Variants in GNG7 observed in about 807,000 individuals in gnomAD.
GNG7 encodes G protein subunit gamma 7.
A neutral mutation model predicts 4.0 loss-of-function variants in GNG7; 1 was observed. The ratio of observed to expected loss-of-function variants is 0.25; its 90% CI spans 0.09 to 1.18. The LOEUF (loss-of-function observed/expected upper bound fraction) is 1.18, where lower values mean the gene tolerates loss of function less well. Ranked by LOEUF, GNG7 falls within the 50% of genes most tolerant of loss-of-function variation. The pLI is 0.50. For missense variants in GNG7, 86 were observed against 91.9 expected, an observed-to-expected ratio of 0.94 and a Z score of 0.26; for synonymous variants, 34 against 36.9, an observed-to-expected ratio of 0.92 and a Z score of 0.29.
At chr19:2,655,891 T>C (rs1425265543) in intron 1 of GNG7, among the ~76,000 whole-genome samples, 12 of 137,780 alleles carry the variant, frequency 8.7e-5, no homozygotes, top group South Asian at 4.7e-4. Context: ...CCAGGCGTGG[T>C]GGTGGGCACC....
In GNG7 at chr19:2,699,535, A is replaced by T. The variant is rs549041519; in HGVS notation, c.-135+3111T>A. Among the ~76,000 whole-genome samples the T allele has an allele frequency of 2.0e-5, 3 of 152,320 alleles. No individual in the cohort carries two copies. The South Asian group carries it at 6.2e-4, about 32-fold the overall frequency. On this transcript the variant is annotated intron_variant, in intron 1 of 4. Coordinates refer to ENST00000382159, the MANE Select transcript of GNG7 (RefSeq NM_052847.3). ...TGACAGCACTAAATGACTTAAAAGC[A>T]ATCCTCAATTCTGAATGACCCCACT...
chr19:2,692,897 G>A (rs185198126), intron 1 of GNG7, among the ~76,000 whole-genome samples: 1 of 151,146 alleles, frequency 6.6e-6, no homozygotes, highest in Non-Finnish European at 1.5e-5. Context: ...GAGGCAGGAG[G>A]ATCACTTGAA....
At chr19:2,536,117 T>C (rs1269709762) in intron 3 of GNG7, among the ~76,000 whole-genome samples, 1 of 151,514 alleles carries the variant, frequency 6.6e-6, no homozygotes, top group Non-Finnish European at 1.5e-5. Flanking sequence ...GAGTGAGACA[T>C]ATCTCAAAAA....
rs949258516 is a variant in GNG7 at position 2,614,942 on chromosome 19, G to A, written c.-78+31282C>T. On this transcript the variant is annotated intron_variant, in intron 2 of 4. Transcript: ENST00000382159. The surrounding 1 kb of genome is among the most constrained non-coding windows in gnomAD (Gnocchi z 6.0). ...AGGCGTTCCTCAGCTTTTAAACAAG[G>A]CACTGAGGCAGGAGGCAGGCAGCTG... Among the ~76,000 whole-genome samples the A allele has an allele frequency of 6.6e-6, 1 of 152,134 alleles. No homozygotes were observed. The highest frequency in any genetic ancestry group is 2.4e-5 in the African/African-American group (1 of 41,432).
At chr19:2,580,286 ATTTTTTTTT>A (rs5826774) in intron 2 of GNG7, among the ~76,000 whole-genome samples, 1,658 of 133,598 alleles carry the variant, frequency 0.012, 39 homozygotes, top group African/African-American at 0.04. Context: ...GTCTGGTTCT[ATTTTTTTTT>A]TTTTTTTTTT....
intron 2 of GNG7, among the ~76,000 whole-genome samples, chr19:2,568,064 GACATACAC>G (rs1979976668): frequency 6.7e-6 from 1 of 150,120 alleles, no homozygotes; most frequent in Non-Finnish European, 1.5e-5. Context: ...CACACATATA[GACATACAC>G]ACATATACAC....
rs954364379 is a variant in GNG7 at position 2,512,338 on chromosome 19, C to T, written c.*2684G>A. 2.2e-5 allele frequency: 22 copies of T among 985,464 alleles called. No individual in the cohort carries two copies. Among genetic ancestry groups the T allele is most frequent in the Non-Finnish European group, 2.5e-5 (21 of 829,896 alleles). The allele number at this position is 985,464 out of a possible 1,614,324, so 61.0% of individuals were successfully genotyped here. On this transcript the variant is annotated 3_prime_UTR_variant, in exon 5 of 5. Coordinates refer to ENST00000382159, the MANE Select transcript of GNG7 (RefSeq NM_052847.3). The surrounding 1 kb of genome is among the most constrained non-coding windows in gnomAD (Gnocchi z 4.7). ...AAAGGTATTTTCCACAGTGTGGTCA[C>T]TGAAGTCTACTCAAGAAAAAAAAAA...
At chr19:2,662,740 T>C (rs1385131051) in intron 1 of GNG7, among the ~76,000 whole-genome samples, 1 of 152,148 alleles carries the variant, frequency 6.6e-6, no homozygotes, top group Non-Finnish European at 1.5e-5. Context: ...CTTTACTTCA[T>C]AGGCATGACT....
chr19:2,657,397 T>TATATATAC (rs1983023999), intron 1 of GNG7, among the ~76,000 whole-genome samples: 1 of 82,716 alleles, frequency 1.2e-5, no homozygotes, highest in Non-Finnish European at 2.5e-5. Flanking sequence ...TATATATATA[T>TATATATAC]ATACACATAA....
chr19:2,615,311 G>C (rs1981689894), intron 2 of GNG7, among the ~76,000 whole-genome samples: 1 of 151,816 alleles, frequency 6.6e-6, no homozygotes, highest in African/African-American at 2.4e-5. Flanking sequence ...CCTCCAGAAT[G>C]TCCTTCCTCC....
chr19:2,678,646 G>T (rs1983653663), intron 1 of GNG7, among the ~76,000 whole-genome samples: 1 of 152,044 alleles, frequency 6.6e-6, no homozygotes, highest in African/African-American at 2.4e-5. Context: ...ATCAGATAAG[G>T]TGTCCAGTCT....
intron 2 of GNG7, among the ~76,000 whole-genome samples, chr19:2,561,189 G>A (rs1020851584): frequency 5.3e-5 from 8 of 152,116 alleles, no homozygotes; most frequent in Non-Finnish European, 1.2e-4. Flanking sequence ...TTGGGGGTCC[G>A]TGGAATCCCA....
At chr19:2,526,403 T>G (rs939383736) in intron 3 of GNG7, among the ~76,000 whole-genome samples, 4 of 149,976 alleles carry the variant, frequency 2.7e-5, no homozygotes, top group African/African-American at 9.8e-5. Context: ...CCGCGCCTGG[T>G]CTACTATTAG....
chr19:2,648,561 C>G (rs149472523), intron 1 of GNG7, among the ~76,000 whole-genome samples: 3 of 152,316 alleles, frequency 2.0e-5, no homozygotes, highest in Non-Finnish European at 4.4e-5. Flanking sequence ...ATGCTAGTTT[C>G]CGTTCTACGA....
rs1358074389 is a variant in GNG7, at chr19:2,611,778, C to T, written c.-78+34446G>A. 1 of 152,104 alleles carries T rather than the reference C, an allele frequency of 6.6e-6. No homozygotes were observed. The highest frequency in any genetic ancestry group is 1.5e-5 in the Non-Finnish European group (1 of 68,022). 9.4% of individuals were successfully genotyped at this position (152,104 alleles called of 1,614,324 possible). ...TCGAACCGGGGAGGTGGAGGCTGCA[C>T]TGAGCGTTGATCGCGCCACTGCTCT... On this transcript the variant is annotated intron_variant, in intron 2 of 4. Coordinates refer to ENST00000382159, the MANE Select transcript of GNG7 (RefSeq NM_052847.3). The surrounding 1 kb of genome is among the most constrained non-coding windows in gnomAD (Gnocchi z 6.0).
At chr19:2,607,237 G>T (rs1008144341) in intron 2 of GNG7, among the ~76,000 whole-genome samples, 1 of 123,596 alleles carries the variant, frequency 8.1e-6, no homozygotes, top group Non-Finnish European at 1.8e-5. Flanking sequence ...AAAAAAGAAG[G>T]CCAGGTGTGG....
At chr19:2,568,415 TAG>T (rs1980013256) in intron 2 of GNG7, among the ~76,000 whole-genome samples, 1 of 62,182 alleles carries the variant, frequency 1.6e-5, no homozygotes, top group African/African-American at 5.7e-5. Context: ...CATATACACA[TAG>T]ACATACACAC....
Position 2,593,315 on chromosome 19 carries a change from A to C in GNG7, c.-77-38127T>G, listed in dbSNP as rs569998582. ...GGAAAATTCCTTTTTTAAAAAAAAA[A>C]CTTGGAATGTTTGTCTTTATTTTGT... On this transcript the variant is annotated intron_variant, in intron 2 of 4. Transcript: ENST00000382159. Among the ~76,000 whole-genome samples, 469 of 152,294 alleles carry C rather than the reference A, an allele frequency of 3.1e-3. 3 individuals carry two copies. The highest frequency in any genetic ancestry group is 0.011 in the African/African-American group (444 of 41,564).
chr19:2,691,486 G>A (rs1913134179), intron 1 of GNG7, among the ~76,000 whole-genome samples: 1 of 152,064 alleles, frequency 6.6e-6, no homozygotes, highest in Admixed American at 6.6e-5. Flanking sequence ...GGAGGTTGCA[G>A]TGAACCAAGA....
Sources: gnomAD v4.1 joint callset for allele counts (sites outside exome capture counted in the v4.1 genomes callset) on GRCh38, gnomAD v4.1.1 for gene constraint, Gnocchi (gnomAD v3.1) non-coding constraint, MANE v1.5 for transcripts, NCBI Gene and HGNC (gene_info 2026-07-23, HGNC 2026-07-21) for gene names.